Variants in WDR7 observed in about 807,000 individuals in gnomAD.
The protein encoded by WDR7 is WD repeat-containing protein 7.
Under a neutral mutation model 169.4 loss-of-function variants are expected in WDR7, and 46 were observed. The observed-to-expected ratio is 0.27, with a 90% CI of 0.21 to 0.35. The LOEUF (loss-of-function observed/expected upper bound fraction) is 0.35, where lower values mean the gene tolerates loss of function less well. Ranked by LOEUF, WDR7 falls within the 10% of genes least tolerant of loss-of-function variation. The pLI, the probability that WDR7 is intolerant of heterozygous loss-of-function variation, is 1.00. For synonymous variants in WDR7, 612 were observed against 666.8 expected (o/e 0.92, Z 1.27); for missense variants, 1,534 against 1,859.3 (o/e 0.83, Z 3.22).
intron 14 of WDR7, among the ~76,000 whole-genome samples, chr18:56,754,247 TTG>T (rs71169393): frequency 0.042 from 5,984 of 141,580 alleles, 218 homozygotes; most frequent in African/African-American, 0.1. Flanking sequence ...GTTTTGTGCT[TTG>T]TGTGTGTGTG....
Position 56,939,311 on chromosome 18 carries a change from G to A in WDR7, c.3982G>A (p.Val1328Ile), listed in dbSNP as rs774646657. Residue 1328 changes from valine (V) to isoleucine (I), a missense_variant and splice_region_variant, in exon 25 of 28, where the codon GTT becomes ATT. Coordinates refer to ENST00000254442, the MANE Select transcript of WDR7 (RefSeq NM_015285.3). ...TTAAATCTGTTCTTTTCTGTCAAAG[G>A]TTATGGACATCATTATGTACTGCCT... ...PTDVVDLLVE[V>I]MDIIMYCLEG... The A allele has an allele frequency of 2.6e-6, 4 of 1,516,506 alleles. No homozygotes were observed. The highest frequency in any genetic ancestry group is 3.5e-6 in the Non-Finnish European group (4 of 1,130,566). 93.9% of individuals were successfully genotyped at this position (1,516,506 alleles called of 1,614,324 possible).
intron 12 of WDR7, among the ~76,000 whole-genome samples, chr18:56,710,005 T>A (rs996951547): frequency 7.5e-6 from 1 of 134,030 alleles, no homozygotes; most frequent in African/African-American, 3.2e-5. Flanking sequence ...TATATATAGT[T>A]GTTTTTTTTT....
chr18:56,723,445 CTA>C (rs1013104702), intron 13 of WDR7, among the ~76,000 whole-genome samples: 2 of 151,924 alleles, frequency 1.3e-5, no homozygotes, highest in Admixed American at 6.5e-5. Flanking sequence ...GAAAAAAACT[CTA>C]TTTTATCTTC....
chr18:56,754,525 GGTGT>G (rs571518060), intron 14 of WDR7, among the ~76,000 whole-genome samples: 156 of 150,122 alleles, frequency 1.0e-3, no homozygotes, highest in Middle Eastern at 3.6e-3. Flanking sequence ...AACCATAACT[GGTGT>G]GTGTGTGTAT....
At chr18:56,759,486 C>A (rs943584032) in intron 16 of WDR7, among the ~76,000 whole-genome samples, 2 of 152,064 alleles carry the variant, frequency 1.3e-5, no homozygotes, top group African/African-American at 4.8e-5. Context: ...TTGAGTTTCT[C>A]TTCCTCTACT....
chr18:56,827,378 T>C (rs1447268842), intron 20 of WDR7, among the ~76,000 whole-genome samples: 2 of 152,158 alleles, frequency 1.3e-5, no homozygotes, highest in African/African-American at 4.8e-5. Flanking sequence ...TAAAAAAGAA[T>C]GAGACCAATC....
intron 25 of WDR7, among the ~76,000 whole-genome samples, chr18:56,953,198 C>T (rs1402065392): frequency 6.6e-6 from 1 of 152,036 alleles, no homozygotes; most frequent in Admixed American, 6.6e-5. Context: ...TAAAACATCT[C>T]TAAAAAATAA....
At chr18:56,765,396 A>T (rs981328268) in intron 16 of WDR7, among the ~76,000 whole-genome samples, 1 of 151,838 alleles carries the variant, frequency 6.6e-6, no homozygotes, top group Non-Finnish European at 1.5e-5. Context: ...TTTATAAGCT[A>T]ATTTTTATTA....
chr18:56,839,097 G>A lies in WDR7; in HGVS notation c.3304+22953G>A, dbSNP rs118069284. ...GCTAAATTAACACAAAAGAAAGCCA[G>A]TTTGATTCAGCATAAGTTTTCTCAT... On this transcript the variant is annotated intron_variant, in intron 20 of 27. Coordinates refer to ENST00000254442, the MANE Select transcript of WDR7 (RefSeq NM_015285.3). Among the ~76,000 whole-genome samples, 64 of 152,180 alleles carry A rather than the reference G, an allele frequency of 4.2e-4. No homozygotes were observed. The East Asian group carries it at 0.011, about 27-fold the overall frequency.
chr18:56,948,483 TA>T (rs1460837195), intron 25 of WDR7, among the ~76,000 whole-genome samples: 1 of 152,196 alleles, frequency 6.6e-6, no homozygotes, highest in East Asian at 1.9e-4. Flanking sequence ...GCCCTCAATG[TA>T]GCCACTCAGT....
At chr18:56,810,128 A>G (rs991147955) in intron 19 of WDR7, among the ~76,000 whole-genome samples, 3 of 152,188 alleles carry the variant, frequency 2.0e-5, no homozygotes, top group African/African-American at 7.2e-5. Context: ...GCAGATAATG[A>G]CTACCTTGCT....
At chr18:56,690,828 A>C (rs2025551097) in intron 7 of WDR7, among the ~76,000 whole-genome samples, 1 of 152,064 alleles carries the variant, frequency 6.6e-6, no homozygotes, top group Non-Finnish European at 1.5e-5. Flanking sequence ...AAAAAAAAAA[A>C]AATGCTGTTA....
intron 12 of WDR7, among the ~76,000 whole-genome samples, chr18:56,704,410 G>T (rs1319279095): frequency 3.3e-5 from 5 of 150,540 alleles, no homozygotes; most frequent in Non-Finnish European, 7.4e-5. Context: ...TTGGTGACAT[G>T]GGCATATAGT....
At chr18:56,835,337 C>T (rs1252315694) in intron 20 of WDR7, among the ~76,000 whole-genome samples, 1 of 152,162 alleles carries the variant, frequency 6.6e-6, no homozygotes. Context: ...AGATGCTGTA[C>T]TAAGATCAGA....
intron 1 of WDR7, among the ~76,000 whole-genome samples, chr18:56,667,435 C>T (rs1411472870): frequency 6.6e-6 from 1 of 152,136 alleles, no homozygotes; most frequent in Non-Finnish European, 1.5e-5. Flanking sequence ...GAGCATGTTG[C>T]TTCTCTATGT....
intron 16 of WDR7, among the ~76,000 whole-genome samples, chr18:56,768,273 A>G (rs2044099095): frequency 6.6e-6 from 1 of 152,160 alleles, no homozygotes; most frequent in Non-Finnish European, 1.5e-5. Flanking sequence ...AAAAGCATTT[A>G]TTTAAGGCAA....
intron 14 of WDR7, among the ~76,000 whole-genome samples, chr18:56,754,334 CGTATATATGTGT>C (rs774513116): frequency 1.0e-4 from 12 of 117,072 alleles, no homozygotes; most frequent in Admixed American, 3.3e-4. Context: ...TGTATATATA[CGTATATATGTGT>C]GTATATATGT....
intron 26 of WDR7, among the ~76,000 whole-genome samples, chr18:57,008,543 G>C (rs1008672256): frequency 6.6e-6 from 1 of 152,112 alleles, no homozygotes; most frequent in Non-Finnish European, 1.5e-5. Context: ...CCGTTTTCTT[G>C]GACCCCTCTG....
At chr18:56,939,818 C>T (rs762821338) in intron 25 of WDR7, among the ~76,000 whole-genome samples, 4 of 151,918 alleles carry the variant, frequency 2.6e-5, no homozygotes, top group South Asian at 2.1e-4. Flanking sequence ...CTTTGCATTA[C>T]GTTCTCTTAA....
Sources: allele counts gnomAD v4.1 joint callset (sites outside exome capture counted in the v4.1 genomes callset), GRCh38; gene constraint gnomAD v4.1.1; transcripts MANE v1.5; gene names NCBI Gene and HGNC (gene_info 2026-07-23, HGNC 2026-07-21).